Variants in NRXN1 observed in about 807,000 individuals in gnomAD.
The protein encoded by NRXN1 is neurexin 1.
A neutral mutation model predicts 150.9 loss-of-function variants in NRXN1; 39 were observed. That is an observed-to-expected ratio of 0.26 (90% CI 0.20 to 0.34). The LOEUF (loss-of-function observed/expected upper bound fraction) is 0.34. Among genes scored for constraint, NRXN1 ranks in the 10% least tolerant of loss-of-function variants. The pLI is 1.00. For missense variants in NRXN1, 1,815 were observed against 1,949.9 expected, an observed-to-expected ratio of 0.93 and a Z score of 1.30; for synonymous variants, 924 against 757.0, an observed-to-expected ratio of 1.22 and a Z score of -3.62.
chr2:50,020,953 G>A (rs1374649755), intron 21 of NRXN1, among the ~76,000 whole-genome samples: 1 of 152,006 alleles, frequency 6.6e-6, no homozygotes, highest in Non-Finnish European at 1.5e-5. Context: ...TCTCAGAAAA[G>A]AATTTTTCTC....
intron 12 of NRXN1, among the ~76,000 whole-genome samples, chr2:50,516,919 CA>C (rs1440132398): frequency 6.6e-6 from 1 of 152,128 alleles, no homozygotes; most frequent in Admixed American, 6.5e-5. Flanking sequence ...ACACTAATAA[CA>C]GAGAAAGACA....
At chr2:50,163,714 T>C (rs1321227684) in intron 18 of NRXN1, among the ~76,000 whole-genome samples, 9 of 152,194 alleles carry the variant, frequency 5.9e-5, no homozygotes, top group Non-Finnish European at 1.2e-4. Context: ...AAAAGTCCAG[T>C]AAGCATTTAC....
chr2:50,931,429 A>G (rs999504406), intron 2 of NRXN1, among the ~76,000 whole-genome samples: 10 of 152,172 alleles, frequency 6.6e-5, no homozygotes, highest in African/African-American at 2.2e-4. Flanking sequence ...ATGCTTAAAA[A>G]TTACATTTAC....
At chr2:50,332,317 T>C (rs2076889649) in intron 17 of NRXN1, among the ~76,000 whole-genome samples, 1 of 152,224 alleles carries the variant, frequency 6.6e-6, no homozygotes, top group Non-Finnish European at 1.5e-5. Flanking sequence ...TGAGTATCTA[T>C]GAAAATTTAC....
intron 15 of NRXN1, among the ~76,000 whole-genome samples, chr2:50,483,779 G>C (rs2104806218): frequency 6.6e-6 from 1 of 152,314 alleles, no homozygotes; most frequent in South Asian, 2.1e-4. Flanking sequence ...GACAGGAGTA[G>C]AATAGATAGA....
At chr2:50,790,254 C>A (rs936795371) in intron 5 of NRXN1, among the ~76,000 whole-genome samples, 1 of 152,132 alleles carries the variant, frequency 6.6e-6, no homozygotes, top group African/African-American at 2.4e-5. Flanking sequence ...TCTGTTCATC[C>A]TCTCTGGGGA....
At chr2:51,023,930 G>A (rs1320450602) in intron 2 of NRXN1, among the ~76,000 whole-genome samples, 2 of 152,010 alleles carry the variant, frequency 1.3e-5, no homozygotes, top group African/African-American at 4.8e-5. Context: ...ACGTGTTTAT[G>A]GCCATTTAAA....
chr2:50,431,790 T>C (rs2084985434), intron 17 of NRXN1, among the ~76,000 whole-genome samples: 1 of 152,184 alleles, frequency 6.6e-6, no homozygotes, highest in Non-Finnish European at 1.5e-5. Context: ...TCCAGTCCTT[T>C]ACACAAAAAG....
chr2:50,091,763 C>T (rs910785070), intron 18 of NRXN1, among the ~76,000 whole-genome samples: 10 of 152,162 alleles, frequency 6.6e-5, no homozygotes, highest in Admixed American at 2.6e-4. Context: ...ACAGAGAAGG[C>T]GCACAGCTGC....
At chr2:50,140,339 C>A (rs1249012793) in intron 18 of NRXN1, among the ~76,000 whole-genome samples, 1 of 152,060 alleles carries the variant, frequency 6.6e-6, no homozygotes, top group African/African-American at 2.4e-5. Flanking sequence ...TTTCATTTTT[C>A]AGAACCTGAC....
intron 17 of NRXN1, among the ~76,000 whole-genome samples, chr2:50,404,363 A>G (rs570910668): frequency 6.6e-6 from 1 of 152,256 alleles, no homozygotes; most frequent in South Asian, 2.1e-4. Flanking sequence ...TGATTCAACC[A>G]GTGCACACTG....
intron 18 of NRXN1, among the ~76,000 whole-genome samples, chr2:50,107,434 T>C (rs540774940): frequency 1.3e-5 from 2 of 150,832 alleles, no homozygotes; most frequent in East Asian, 3.9e-4. Flanking sequence ...AGGGGCTGTT[T>C]AAAATTATTA....
At chr2:50,500,579 G>A (rs972390706) in intron 13 of NRXN1, among the ~76,000 whole-genome samples, 4 of 152,104 alleles carry the variant, frequency 2.6e-5, no homozygotes, top group African/African-American at 9.7e-5. Context: ...AGACTTCGAA[G>A]GGGAAAGATT....
At position 50,346,629 on chromosome 2, in the gene NRXN1, G is replaced by A. The variant is rs2077995790; in HGVS notation, c.3365-109659C>T. 1.3e-6 allele frequency: 2 copies of A among 1,560,704 alleles called. No individual in the cohort carries two copies. Among genetic ancestry groups the A allele is most frequent in the Admixed American group, 3.3e-5 (2 of 59,760 alleles). On this transcript the variant is annotated intron_variant, in intron 17 of 22. Transcript: ENST00000401669. The surrounding 1 kb of genome is among the most constrained non-coding windows in gnomAD (Gnocchi z 5.0). ...CTGAGCCTTAGGAGCCCAGGAGCGA[G>A]TGCAGGGTAGAAAGAGGGGAGCGAG...
intron 5 of NRXN1, among the ~76,000 whole-genome samples, chr2:50,851,774 A>T (rs1050202076): frequency 9.9e-5 from 15 of 152,198 alleles, no homozygotes; most frequent in Non-Finnish European, 2.1e-4. Flanking sequence ...ATGGCTGCCC[A>T]AGGTTCTCAT....
intron 21 of NRXN1, among the ~76,000 whole-genome samples, chr2:50,009,228 G>A (rs901062334): frequency 1.3e-5 from 2 of 152,058 alleles, no homozygotes; most frequent in African/African-American, 4.8e-5. Flanking sequence ...TGTCATGAAT[G>A]GAACTTAGGT....
At chr2:50,954,561 G>C (rs973258599) in intron 2 of NRXN1, among the ~76,000 whole-genome samples, 4 of 152,190 alleles carry the variant, frequency 2.6e-5, no homozygotes, top group African/African-American at 9.7e-5. Flanking sequence ...AGCAGAGCTG[G>C]GAAAGAAACC....
chr2:50,808,926 G>C (rs565341099), intron 5 of NRXN1, among the ~76,000 whole-genome samples: 3 of 152,152 alleles, frequency 2.0e-5, no homozygotes, highest in African/African-American at 7.2e-5. Flanking sequence ...ATACCATCCT[G>C]ACTCATAAAA....
At chr2:49,978,204 C>T (rs1041221276) in intron 21 of NRXN1, among the ~76,000 whole-genome samples, 2 of 152,088 alleles carry the variant, frequency 1.3e-5, no homozygotes, top group African/African-American at 2.4e-5. Flanking sequence ...CACAGGAGGA[C>T]TAGCTGAGGA....
Sources: allele counts gnomAD v4.1 joint callset (sites outside exome capture counted in the v4.1 genomes callset), GRCh38; gene constraint gnomAD v4.1.1; non-coding constraint Gnocchi (gnomAD v3.1); transcripts MANE v1.5; gene names NCBI Gene and HGNC (gene_info 2026-07-23, HGNC 2026-07-21).